TMEM245: variants seen among roughly 807,000 people sequenced by gnomAD.
TMEM245 encodes protein CG-2.
Under a neutral mutation model 101.2 loss-of-function variants are expected in TMEM245, and 69 were observed. That is an observed-to-expected ratio of 0.68 (90% CI 0.56 to 0.83). TMEM245 has a LOEUF of 0.83. TMEM245 is among the 40% of genes least tolerant of loss of function. The pLI is 0.00. For missense variants in TMEM245, 1,075 were observed against 1,092.8 expected, an observed-to-expected ratio of 0.98 and a Z score of 0.23; for synonymous variants, 537 against 449.8, an observed-to-expected ratio of 1.19 and a Z score of -2.45.
At chr9:109,033,627 C>T (rs1373689335) in intron 16 of TMEM245, 126 bp from the exon 17 acceptor site, 3 of 818,982 alleles carry the variant, frequency 3.7e-6, no homozygotes, top group Non-Finnish European at 5.3e-6. Flanking sequence ...TTTAGATCAC[C>T]TCGATGCATA....
At chr9:109,101,483 C>A (rs1299464535) in intron 3 of TMEM245, among the ~76,000 whole-genome samples, 3 of 151,930 alleles carry the variant, frequency 2.0e-5, no homozygotes, top group Non-Finnish European at 2.9e-5. Flanking sequence ...AGTTCTGATT[C>A]TTAAAAAGAA....
chr9:109,028,390 G>A (rs554571899), intron 17 of TMEM245, among the ~76,000 whole-genome samples: 3 of 150,768 alleles, frequency 2.0e-5, no homozygotes, highest in Non-Finnish European at 2.9e-5. Flanking sequence ...GGTGGCAGAG[G>A]TTGCAGTGAG....
chr9:109,036,161 A>G, intron 16 of TMEM245, 45 bp downstream of exon 16: 1 of 1,464,158 alleles, frequency 6.8e-7, no homozygotes, highest in Non-Finnish European at 9.0e-7. Flanking sequence ...AAAAAACGGA[A>G]ATGCCTGGAT....
intron 9 of TMEM245, among the ~76,000 whole-genome samples, chr9:109,067,493 C>T (rs1235714751): frequency 6.6e-6 from 1 of 152,188 alleles, no homozygotes; most frequent in Non-Finnish European, 1.5e-5. Context: ...CTATCACCTA[C>T]TACCTACCAA....
intron 9 of TMEM245, among the ~76,000 whole-genome samples, chr9:109,065,204 G>T (rs1829131103): frequency 6.6e-6 from 1 of 152,164 alleles, no homozygotes. Context: ...CAAAGAAAAT[G>T]GTTCTGGGAG....
At chr9:109,065,077 C>T (rs1463613317) in intron 9 of TMEM245, among the ~76,000 whole-genome samples, 1 of 152,168 alleles carries the variant, frequency 6.6e-6, no homozygotes. Context: ...TGAGCCATGG[C>T]ACCAGGCCTC....
intron 1 of TMEM245, among the ~76,000 whole-genome samples, chr9:109,117,694 C>A (rs756627929): frequency 2.0e-5 from 3 of 152,338 alleles, no homozygotes; most frequent in Non-Finnish European, 4.4e-5. Flanking sequence ...CAACTTCTTA[C>A]TCTAGCATGA....
In TMEM245 at chr9:109,050,372, C is replaced by T; in HGVS notation, c.2034G>A (p.Lys678=). Residue 678 remains lysine, a synonymous_variant, in exon 14 of 18, where the codon AAG becomes AAA. Coordinates refer to ENST00000374586, the MANE Select transcript of TMEM245 (RefSeq NM_032012.4). ...YLLSSSDEYY[K]PVKWVISLTP... is the part of the protein sequence containing the mutation. ...TCAGGCTTATCACCCACTTCACTGG[C>T]TTGTAGTACTCATCACTGGAACTTA... 1 of 1,614,080 alleles carries T rather than the reference C, an allele frequency of 6.2e-7. No homozygotes were observed.
intron 1 of TMEM245, among the ~76,000 whole-genome samples, chr9:109,116,400 G>A (rs565650719): frequency 1.3e-5 from 2 of 152,234 alleles, no homozygotes; most frequent in African/African-American, 4.8e-5. Context: ...TTAAAAGACT[G>A]GGGGTGGGGG....
chr9:109,065,434 G>A (rs1829140304), intron 9 of TMEM245, among the ~76,000 whole-genome samples: 1 of 152,170 alleles, frequency 6.6e-6, no homozygotes, highest in South Asian at 2.1e-4. Flanking sequence ...ATCTAAGGAA[G>A]TGAAGAAATC....
In TMEM245 at chr9:109,038,072, C is replaced by A; in HGVS notation, c.2169G>T (p.Leu723Phe). 3 of 1,613,332 alleles carry A rather than the reference C, an allele frequency of 1.9e-6. No homozygotes were observed. The highest frequency in any genetic ancestry group is 2.2e-5 in the South Asian group (2 of 90,984). ...ASLKMAGFYG[L>F]YTWLTHTMFG... is the part of the protein sequence containing the mutation. Reference sequence around the variant, plus strand: ...ACATAGTATGAGTCAGCCAGGTATACAATCCATAGAAGCCAGCCATTTTGA... The same window carrying A: ...ACATAGTATGAGTCAGCCAGGTATAAAATCCATAGAAGCCAGCCATTTTGA... The change falls in exon 15 of 18, where the codon TTG becomes TTT. Residue 723 changes from leucine (L) to phenylalanine (F), a missense_variant. Coordinates refer to ENST00000374586, the MANE Select transcript of TMEM245 (RefSeq NM_032012.4).
chr9:109,087,274 A>G lies in TMEM245; in HGVS notation c.1219T>C (p.Trp407Arg), dbSNP rs1829869039. The G allele has an allele frequency of 6.2e-7, 1 of 1,613,788 alleles. No homozygotes were observed. Among genetic ancestry groups the G allele is most frequent in the South Asian group, 1.1e-5 (1 of 91,060 alleles). The change falls in exon 6 of 18, where the codon TGG (tryptophan) becomes CGG (arginine). Residue 407 changes from tryptophan to arginine, a missense_variant. By Grantham distance (101) the Trp-to-Arg change is moderately radical. Coordinates refer to ENST00000374586, the MANE Select transcript of TMEM245 (RefSeq NM_032012.4). ...AGGAAGCTTTCTATAATGCCCCACC[A>G]CACATGGTAGCGTTTCTCTAGGAAA... ...VDFLEKRYHVWWGIIESFLKE... is the reference protein window; with the variant it reads ...VDFLEKRYHVRWGIIESFLKE...
chr9:109,086,900 G>C (rs1267063778), intron 6 of TMEM245, among the ~76,000 whole-genome samples: 3 of 152,106 alleles, frequency 2.0e-5, no homozygotes, highest in Non-Finnish European at 4.4e-5. Flanking sequence ...AACCTCTCTG[G>C]ATTTCAATTT....
chr9:109,086,274 T>C (rs958494156), intron 6 of TMEM245, among the ~76,000 whole-genome samples: 1 of 152,130 alleles, frequency 6.6e-6, no homozygotes, highest in Non-Finnish European at 1.5e-5. Flanking sequence ...TAAAAATACA[T>C]AAAATAACCT....
chr9:109,066,481 T>A (rs1829170964), intron 9 of TMEM245, among the ~76,000 whole-genome samples: 1 of 109,618 alleles, frequency 9.1e-6, no homozygotes, highest in Non-Finnish European at 1.9e-5. Flanking sequence ...AAAAAAAATT[T>A]CTCAGCAAGT....
intron 1 of TMEM245, among the ~76,000 whole-genome samples, chr9:109,110,820 T>C (rs1423516008): frequency 6.6e-6 from 1 of 152,046 alleles, no homozygotes; most frequent in Non-Finnish European, 1.5e-5. Context: ...TGAAAAGAAA[T>C]GCAAAGTTCT....
chr9:109,036,396 A>G lies in TMEM245; in HGVS notation c.2225-16T>C. ...GCTGCTAATGCTGAAAAAAGAGTAA[A>G]AGAAAAACAACTTAACATCATCAGC... On this transcript the variant is annotated splice_polypyrimidine_tract_variant and intron_variant, in intron 15 of 17. Coordinates refer to ENST00000374586, the MANE Select transcript of TMEM245 (RefSeq NM_032012.4). 3 of 1,565,076 alleles carry G rather than the reference A, an allele frequency of 1.9e-6. No homozygotes were observed. Among genetic ancestry groups the G allele is most frequent in the Non-Finnish European group, 2.6e-6 (3 of 1,161,174 alleles).
chr9:109,057,186 C>T lies in TMEM245; in HGVS notation c.1854+5G>A, dbSNP rs1023140894. ...TTCAGCTTAACTATAAATGCTATTT[C>T]TTACCGAAAGAAATGTCTCAATGTT... On this transcript the variant is annotated splice_donor_5th_base_variant and intron_variant, in intron 12 of 17. Transcript: ENST00000374586. 1 of 1,611,400 alleles carries T rather than the reference C, an allele frequency of 6.2e-7. No individual in the cohort carries two copies. The highest frequency in any genetic ancestry group is 1.3e-5 in the African/African-American group (1 of 74,858).
In TMEM245 at chr9:109,020,376, G is replaced by A; in HGVS notation, c.*84C>T. The A allele has an allele frequency of 1.5e-6, 2 of 1,375,376 alleles. No homozygotes were observed. The highest frequency in any genetic ancestry group is 1.0e-6 in the Non-Finnish European group (1 of 962,374). 85.2% of individuals were successfully genotyped at this position (1,375,376 alleles called of 1,614,324 possible). ...TCCTGGGTTTTGCTTGCTAGGCACA[G>A]CTGGAAGGGCAGAGGGCCACAGCTG... On this transcript the variant is annotated 3_prime_UTR_variant, in exon 18 of 18. Coordinates refer to ENST00000374586, the MANE Select transcript of TMEM245 (RefSeq NM_032012.4).
Sources: allele counts gnomAD v4.1 joint callset (sites outside exome capture counted in the v4.1 genomes callset), GRCh38; gene constraint gnomAD v4.1.1; transcripts MANE v1.5; gene names NCBI Gene and HGNC (gene_info 2026-07-23, HGNC 2026-07-21).